ARHGEF3: variants seen among roughly 807,000 people sequenced by gnomAD.
The protein encoded by ARHGEF3 is 59.8 kDA protein.
In ARHGEF3, 28 loss-of-function variants were observed where a neutral mutation model predicts 63.2. The observed-to-expected ratio is 0.44, with a 90% CI of 0.33 to 0.61. The LOEUF is 0.61. ARHGEF3 is among the 20% of genes least tolerant of loss of function. The pLI is 0.03. For synonymous variants in ARHGEF3, 266 were observed against 254.2 expected (o/e 1.05, Z -0.44); for missense variants, 533 against 659.3 (o/e 0.81, Z 2.10).
intron 4 of ARHGEF3, among the ~76,000 whole-genome samples, chr3:56,818,642 G>C (rs916630608): frequency 6.6e-6 from 1 of 152,148 alleles, no homozygotes; most frequent in South Asian, 2.1e-4. Context: ...GCCATTTTCA[G>C]TCTCAAGATC....
At chr3:56,830,319 T>C (rs4681705) in intron 4 of ARHGEF3, among the ~76,000 whole-genome samples, 149,132 of 152,178 alleles carry the variant, frequency 0.98, 73,154 homozygotes, top group East Asian at 1. Context: ...TACTACAACC[T>C]TGGCCCGTGT....
intron 2 of ARHGEF3, among the ~76,000 whole-genome samples, chr3:56,758,235 T>G (rs2107784127): frequency 6.6e-6 from 1 of 150,968 alleles, no homozygotes; most frequent in Non-Finnish European, 1.5e-5. Context: ...AAGCTGAGAT[T>G]GCGCCACTGT....
chr3:56,825,552 T>C (rs1307238878), intron 4 of ARHGEF3, among the ~76,000 whole-genome samples: 1 of 152,202 alleles, frequency 6.6e-6, no homozygotes, highest in Non-Finnish European at 1.5e-5. Flanking sequence ...TCATCAGTAA[T>C]AGGCAGCAAC....
chr3:56,908,049 A>G (rs2041749433), intron 3 of ARHGEF3, among the ~76,000 whole-genome samples: 1 of 152,172 alleles, frequency 6.6e-6, no homozygotes, highest in Non-Finnish European at 1.5e-5. Context: ...CATTGCTACA[A>G]AGAAAAAGAG....
At chr3:56,780,661 T>C (rs905376541) in intron 1 of ARHGEF3, among the ~76,000 whole-genome samples, 6 of 152,354 alleles carry the variant, frequency 3.9e-5, no homozygotes, top group African/African-American at 1.4e-4. Context: ...AGCAAAATAC[T>C]AGAGCTCTCT....
chr3:57,045,267 CAAAACAA>C (rs573633418), intron 1 of ARHGEF3, among the ~76,000 whole-genome samples: 26 of 152,062 alleles, frequency 1.7e-4, no homozygotes, highest in Non-Finnish European at 2.8e-4. Context: ...AACTCTGTCT[CAAAACAA>C]AAAACAAAAA....
intron 4 of ARHGEF3, among the ~76,000 whole-genome samples, chr3:56,822,762 G>A (rs577649883): frequency 4.0e-5 from 6 of 150,950 alleles, no homozygotes; most frequent in Non-Finnish European, 5.9e-5. Flanking sequence ...CTGAGTCAAC[G>A]AGAATCACTT....
chr3:56,880,966 G>C (rs1184361866), intron 4 of ARHGEF3, among the ~76,000 whole-genome samples: 1 of 152,158 alleles, frequency 6.6e-6, no homozygotes, highest in Admixed American at 6.5e-5. Context: ...ACATTAATTA[G>C]AGCCAGTTCA....
In ARHGEF3 at chr3:56,895,524, C is replaced by T. The variant is rs571893608; in HGVS notation, c.130-13170G>A. Among the ~76,000 whole-genome samples the T allele has an allele frequency of 1.3e-3, 203 of 151,506 alleles. 2 individuals carry two copies. Among genetic ancestry groups the T allele is most frequent in the African/African-American group, 4.7e-3 (195 of 41,252 alleles). ...TGCCACCCAGGTTGGAGTGCAGTGG[C>T]GCTATCTTGGCTCACTGCAAGCTCC... On this transcript the variant is annotated intron_variant, in intron 3 of 12. Transcript: ENST00000338458.
At chr3:56,832,167 G>A (rs1188396428) in intron 4 of ARHGEF3, among the ~76,000 whole-genome samples, 1 of 152,204 alleles carries the variant, frequency 6.6e-6, no homozygotes, top group East Asian at 1.9e-4. Flanking sequence ...TGCCCCTTGG[G>A]CCCATTTCAG....
At chr3:56,953,134 C>T (rs1355827948) in intron 3 of ARHGEF3, among the ~76,000 whole-genome samples, 1 of 152,168 alleles carries the variant, frequency 6.6e-6, no homozygotes, top group African/African-American at 2.4e-5. Flanking sequence ...AATGCACAAA[C>T]TGAGCCTGCA....
At chr3:56,802,406 G>T (rs982457602), upstream of ARHGEF3, among the ~76,000 whole-genome samples, 2 of 151,974 alleles carry the variant, frequency 1.3e-5, no homozygotes, top group Admixed American at 1.3e-4. Context: ...GCCACTGCAC[G>T]TTTTTTTTGT....
intron 3 of ARHGEF3, among the ~76,000 whole-genome samples, chr3:56,910,428 C>G (rs1407888042): frequency 6.6e-6 from 1 of 152,200 alleles, no homozygotes; most frequent in African/African-American, 2.4e-5. Context: ...ACCTCAGATG[C>G]TCAGAGCCAC....
At position 57,035,177 on chromosome 3, in the gene ARHGEF3, CT is replaced by C; in HGVS notation, c.-27-2del. ...ACTCAGTATGGCAGGCTCAGGTCTCCTTTTTTAAAAAGCAAAACAACCAACA... is the reference window on the plus strand; with the variant it reads ...ACTCAGTATGGCAGGCTCAGGTCTCCTTTTTAAAAAGCAAAACAACCAACA... On this transcript the variant is annotated splice_acceptor_variant, in intron 1 of 12. Transcript: ENST00000338458. LOFTEE classifies it low-confidence loss of function (5UTR_SPLICE). 5 of 1,480,996 alleles carry C rather than the reference CT, an allele frequency of 3.4e-6. No homozygotes were observed. The highest frequency in any genetic ancestry group is 1.4e-5 in the South Asian group (1 of 71,188). 91.7% of individuals were successfully genotyped at this position (1,480,996 alleles called of 1,614,324 possible).
At chr3:56,969,208 T>A (rs1397739640) in intron 2 of ARHGEF3, among the ~76,000 whole-genome samples, 1 of 152,184 alleles carries the variant, frequency 6.6e-6, no homozygotes, top group Non-Finnish European at 1.5e-5. Flanking sequence ...AACAAATACA[T>A]GTGCATAGTT....
chr3:57,011,350 G>A (rs1051853957), intron 2 of ARHGEF3, among the ~76,000 whole-genome samples: 1 of 152,222 alleles, frequency 6.6e-6, no homozygotes, highest in African/African-American at 2.4e-5. Flanking sequence ...ACTGATGACA[G>A]CAATCCAAGT....
chr3:57,017,095 A>G (rs985239807), intron 2 of ARHGEF3, among the ~76,000 whole-genome samples: 1 of 150,062 alleles, frequency 6.7e-6, no homozygotes, highest in African/African-American at 2.5e-5. Context: ...AATGCACACA[A>G]TGTCACCACT....
chr3:57,029,179 C>G (rs1188756924), intron 2 of ARHGEF3, among the ~76,000 whole-genome samples: 3 of 152,148 alleles, frequency 2.0e-5, no homozygotes, highest in Non-Finnish European at 4.4e-5. Context: ...GCCTGCAATC[C>G]CACTACTTTG....
At chr3:56,920,055 C>T (rs967923500) in intron 3 of ARHGEF3, among the ~76,000 whole-genome samples, 3 of 152,164 alleles carry the variant, frequency 2.0e-5, no homozygotes, top group African/African-American at 7.2e-5. Context: ...TGAAAAGCCT[C>T]ATTTTAAAGC....
Sources: gnomAD v4.1 joint callset for allele counts (sites outside exome capture counted in the v4.1 genomes callset) on GRCh38, gnomAD v4.1.1 for gene constraint, MANE v1.5 for transcripts, NCBI Gene and HGNC (gene_info 2026-07-23, HGNC 2026-07-21) for gene names.